TNR: variants seen among roughly 807,000 people sequenced by gnomAD.
TNR encodes the protein tenascin R, also known as tenascin-R.
TNR carries 45 observed loss-of-function variants against 150.4 expected under a neutral mutation model. The observed-to-expected ratio is 0.30, with a 90% CI of 0.24 to 0.38. The LOEUF is 0.38. TNR is among the 10% of genes least tolerant of loss of function. The pLI, the probability that TNR is intolerant of heterozygous loss-of-function variation, is 1.00. For synonymous variants in TNR, 687 were observed against 678.4 expected (o/e 1.01, Z -0.20); for missense variants, 1,544 against 1,759.1 (o/e 0.88, Z 2.19).
At chr1:175,384,452 T>C (rs1652834610) in intron 8 of TNR, among the ~76,000 whole-genome samples, 1 of 152,256 alleles carries the variant, frequency 6.6e-6, no homozygotes, top group African/African-American at 2.4e-5. Flanking sequence ...CAGGGTGGCA[T>C]CTGGCCCAGG....
intron 9 of TNR, among the ~76,000 whole-genome samples, chr1:175,371,025 T>A (rs182259607): frequency 1.3e-5 from 2 of 150,374 alleles, no homozygotes; most frequent in Admixed American, 6.6e-5. Flanking sequence ...ATGCTACAAG[T>A]GAATTGTTGC....
At chr1:175,727,401 C>T (rs943893236) in intron 1 of TNR, among the ~76,000 whole-genome samples, 5 of 152,104 alleles carry the variant, frequency 3.3e-5, no homozygotes, top group Non-Finnish European at 7.3e-5. Context: ...TTGACAAGAG[C>T]AGTCTCTTTG....
At chr1:175,323,530 ACTT>A in intron 22 of TNR, 54 bp from the exon 23 acceptor site, 1 of 1,592,450 alleles carries the variant, frequency 6.3e-7, no homozygotes, top group Admixed American at 1.7e-5. Flanking sequence ...GGAACGCCCC[ACTT>A]CAAAAAAGGG....
intron 9 of TNR, among the ~76,000 whole-genome samples, chr1:175,376,348 A>G (rs1652375837): frequency 6.6e-6 from 1 of 152,220 alleles, no homozygotes; most frequent in Non-Finnish European, 1.5e-5. Flanking sequence ...GTATTGCCTC[A>G]TGAATGCCTC....
At chr1:175,480,443 G>GAAAGAA (rs199763120) in intron 2 of TNR, among the ~76,000 whole-genome samples, 2 of 94,656 alleles carry the variant, frequency 2.1e-5, no homozygotes, top group Non-Finnish European at 4.4e-5. Flanking sequence ...AAGAAAGAAA[G>GAAAGAA]AGAAAGAAAG....
chr1:175,664,936 G>A (rs1263196369), intron 1 of TNR, among the ~76,000 whole-genome samples: 1 of 152,224 alleles, frequency 6.6e-6, no homozygotes, highest in African/African-American at 2.4e-5. Flanking sequence ...AGTTTGCTTA[G>A]TGAAGGTAGA....
intron 20 of TNR, among the ~76,000 whole-genome samples, chr1:175,331,033 CTT>C (rs767580479): frequency 2.8e-5 from 2 of 70,970 alleles, no homozygotes; most frequent in Non-Finnish European, 6.1e-5. Context: ...TTCTTTCTTT[CTT>C]TCTTTCTTTC....
At chr1:175,554,463 T>C (rs1661070976) in intron 1 of TNR, among the ~76,000 whole-genome samples, 1 of 152,190 alleles carries the variant, frequency 6.6e-6, no homozygotes, top group South Asian at 2.1e-4. Context: ...TTTGTGAGTG[T>C]ATATTTTCTC....
intron 1 of TNR, among the ~76,000 whole-genome samples, chr1:175,542,931 A>G (rs1402039114): frequency 3.3e-5 from 5 of 152,188 alleles, no homozygotes; most frequent in Admixed American, 2.6e-4. Flanking sequence ...TTCTGAATGT[A>G]GCTACTGTTT....
intron 2 of TNR, among the ~76,000 whole-genome samples, chr1:175,459,693 G>C (rs868037971): frequency 3.3e-5 from 5 of 152,186 alleles, no homozygotes; most frequent in Non-Finnish European, 7.3e-5. Flanking sequence ...GCCATGGAGA[G>C]GGGAGCCTGA....
intron 2 of TNR, among the ~76,000 whole-genome samples, chr1:175,475,152 TC>T (rs981889669): frequency 4.6e-5 from 7 of 152,162 alleles, no homozygotes; most frequent in African/African-American, 1.2e-4. Flanking sequence ...GTCCCCTGAC[TC>T]CTCCCTTCCC....
At chr1:175,692,195 A>G (rs1666387494) in intron 1 of TNR, among the ~76,000 whole-genome samples, 1 of 152,214 alleles carries the variant, frequency 6.6e-6, no homozygotes, top group Non-Finnish European at 1.5e-5. Context: ...TGGGGCAGAC[A>G]CATGCAAGAA....
At chr1:175,537,396 G>A (rs1033946255) in intron 1 of TNR, among the ~76,000 whole-genome samples, 4 of 152,158 alleles carry the variant, frequency 2.6e-5, no homozygotes, top group Non-Finnish European at 4.4e-5. Flanking sequence ...TGTAGGGCAG[G>A]TAATTGCTTA....
intron 1 of TNR, among the ~76,000 whole-genome samples, chr1:175,660,184 G>A (rs536889478): frequency 2.6e-5 from 4 of 152,326 alleles, no homozygotes; most frequent in Non-Finnish European, 5.9e-5. Flanking sequence ...ATGAAAGGCT[G>A]CATGTGACAT....
At chr1:175,386,618 G>A (rs1407908493) in intron 7 of TNR, among the ~76,000 whole-genome samples, 1 of 145,170 alleles carries the variant, frequency 6.9e-6, no homozygotes, top group Admixed American at 7.1e-5. Flanking sequence ...TTTCTTTCTG[G>A]AGGTCATGGG....
intron 1 of TNR, among the ~76,000 whole-genome samples, chr1:175,719,191 C>T (rs920885613): frequency 6.6e-6 from 1 of 152,192 alleles, no homozygotes; most frequent in Non-Finnish European, 1.5e-5. Context: ...ATATGGAGTA[C>T]CCCAAGCCTC....
intron 5 of TNR, among the ~76,000 whole-genome samples, chr1:175,396,065 T>C (rs1379021562): frequency 6.6e-6 from 1 of 152,238 alleles, no homozygotes; most frequent in African/African-American, 2.4e-5. Flanking sequence ...TTATGCCACC[T>C]CTCTATCAGG....
intron 1 of TNR, among the ~76,000 whole-genome samples, chr1:175,615,625 A>T (rs1663750504): frequency 6.7e-6 from 1 of 149,326 alleles, no homozygotes; most frequent in Non-Finnish European, 1.5e-5. Context: ...TTCCTGACTC[A>T]CTTTGGCCGG....
intron 1 of TNR, among the ~76,000 whole-genome samples, chr1:175,570,376 C>A (rs928060292): frequency 6.6e-6 from 1 of 152,142 alleles, no homozygotes; most frequent in Non-Finnish European, 1.5e-5. Flanking sequence ...AGGAGCTGAG[C>A]TTTTATGAGG....
Sources: gnomAD v4.1 joint callset for allele counts (sites outside exome capture counted in the v4.1 genomes callset) on GRCh38, gnomAD v4.1.1 for gene constraint, MANE v1.5 for transcripts, NCBI Gene and HGNC (gene_info 2026-07-23, HGNC 2026-07-21) for gene names.